The following HTT variants were observed in gnomAD, a reference collection of about 807,000 sequenced individuals.
HTT encodes the protein huntington disease protein.
HTT carries 104 observed loss-of-function variants against 362.3 expected under a neutral mutation model. That is an observed-to-expected ratio of 0.29 (90% CI 0.24 to 0.34). The LOEUF (loss-of-function observed/expected upper bound fraction) is 0.34. Among genes scored for constraint, HTT ranks in the 10% least tolerant of loss-of-function variants. The pLI, the probability that HTT is intolerant of heterozygous loss-of-function variation, is 1.00. For missense variants in HTT, 3,301 were observed against 3,928.6 expected (o/e 0.84, Z 4.27); for synonymous variants, 1,577 against 1,548.7 (o/e 1.02, Z -0.43).
chr4:3,134,531 T>C lies in HTT; in HGVS notation c.2624T>C (p.Ile875Thr). The C allele has an allele frequency of 1.9e-6, 3 of 1,612,906 alleles. No homozygotes were observed. The highest frequency in any genetic ancestry group is 2.7e-5 in the African/African-American group (2 of 74,986). The stretch of plus-strand genomic sequence containing the variant: ...GAGCTTCTGGAAACCCTTGCAGAGA[T>C]TGACTTCAGGTAAGTGAGTCACATC... ...RTELLETLAE[I>T]DFRLVSFLEA... Residue 875 changes from isoleucine to threonine, a missense_variant, in exon 19 of 67, where the codon ATT becomes ACT. Transcript: ENST00000355072.
intron 40 of HTT, among the ~76,000 whole-genome samples, chr4:3,191,794 C>A (rs1332795961): frequency 1.3e-5 from 2 of 152,170 alleles, no homozygotes; most frequent in Non-Finnish European, 2.9e-5. Flanking sequence ...TAAATCTCAT[C>A]TTTATTACGG....
intron 5 of HTT, 48 bp downstream of exon 5, chr4:3,105,484 A>G (rs976748915): frequency 8.2e-7 from 1 of 1,214,354 alleles, no homozygotes; most frequent in African/African-American, 1.5e-5. Flanking sequence ...GCCAGCTGCT[A>G]CTGATCCTTT....
In HTT at chr4:3,220,057, G is replaced by A. The variant is rs1720602990; in HGVS notation, c.7243-125G>A. 8.8e-6 allele frequency: 9 copies of A among 1,026,108 alleles called. No homozygotes were observed. The South Asian group carries it at 1.4e-4, about 16-fold the overall frequency. 63.6% of individuals were successfully genotyped at this position (1,026,108 alleles called of 1,614,324 possible). ...CTGTTTTCTGGGGGAGAAGGTGCCA[G>A]CTCTGGGACAGTGTTGGGGTAGTGA... On this transcript the variant is annotated intron_variant, in intron 52 of 66. Coordinates refer to ENST00000355072, the MANE Select transcript of HTT (RefSeq NM_001388492.1).
chr4:3,141,482 G>A (rs770132950), intron 22 of HTT, among the ~76,000 whole-genome samples: 4 of 152,132 alleles, frequency 2.6e-5, no homozygotes, highest in African/African-American at 9.7e-5. Flanking sequence ...CACATGGAAG[G>A]CTGGGTGCGG....
At chr4:3,181,347 T>G (rs1005918855) in intron 36 of HTT, among the ~76,000 whole-genome samples, 2 of 152,196 alleles carry the variant, frequency 1.3e-5, no homozygotes, top group Non-Finnish European at 2.9e-5. Context: ...GATAGAAATC[T>G]CAACTCTGAA....
chr4:3,225,769 G>A (rs1256835741), intron 57 of HTT, 26 bp downstream of exon 57: 3 of 1,582,406 alleles, frequency 1.9e-6, no homozygotes, highest in East Asian at 2.3e-5. Context: ...CCGCCGCCTG[G>A]CCTCTGTCCG....
At chr4:3,137,743 G>A (rs1282994702) in intron 21 of HTT, among the ~76,000 whole-genome samples, 3 of 152,142 alleles carry the variant, frequency 2.0e-5, no homozygotes, top group African/African-American at 7.2e-5. Context: ...TAGTACTGGG[G>A]TCATAGTATA....
In HTT at chr4:3,225,661, G is replaced by A; in HGVS notation, c.7766G>A (p.Gly2589Asp). The A allele has an allele frequency of 6.2e-7, 1 of 1,613,862 alleles. No homozygotes were observed. Among genetic ancestry groups the A allele is most frequent in the South Asian group, 1.1e-5 (1 of 91,074 alleles). ...PVPSLSPATT[G>D]ALISHEKLLL... ...AGACTCAGGGTGCTGGTGTTCACAG[G>A]TGCCCTCATCAGCCACGAGAAGCTG... The change falls in exon 57 of 67, where the codon GGT (glycine) becomes GAT (aspartate). Residue 2589 changes from glycine to aspartate, a missense_variant and splice_region_variant. Gly to Asp is a moderately conservative substitution (Grantham distance 94). Around this residue, in one of 4 missense-constraint regions of HTT, gnomAD observed 753 missense variants for 1,021.3 expected, o/e 0.74. Coordinates refer to ENST00000355072, the MANE Select transcript of HTT (RefSeq NM_001388492.1).
In HTT at chr4:3,084,549, G is replaced by A. The variant is rs538052649; in HGVS notation, c.264-2390G>A. On this transcript the variant is annotated intron_variant, in intron 1 of 66. Coordinates refer to ENST00000355072, the MANE Select transcript of HTT (RefSeq NM_001388492.1). ...GACTAAAAATACAAAAATTAGCCGG[G>A]CATGGTGGTGTGCACCTGTAGTCCC... Among the ~76,000 whole-genome samples, 4 of 152,130 alleles carry A rather than the reference G, an allele frequency of 2.6e-5. 1 individual carries two copies. The South Asian group carries it at 8.3e-4, about 32-fold the overall frequency.
At chr4:3,151,364 GAGAC>G (rs1345760625) in intron 26 of HTT, among the ~76,000 whole-genome samples, 8 of 151,894 alleles carry the variant, frequency 5.3e-5, no homozygotes, top group African/African-American at 1.5e-4. Context: ...GAGAGAGAGA[GAGAC>G]AGAGAGAGAG....
intron 40 of HTT, among the ~76,000 whole-genome samples, chr4:3,196,386 C>T (rs995239208): frequency 4.6e-5 from 7 of 152,136 alleles, no homozygotes; most frequent in Admixed American, 1.3e-4. Flanking sequence ...TGCTTCCTGA[C>T]GCCACATCCT....
At chr4:3,123,989 T>G (rs942192829) in intron 10 of HTT, among the ~76,000 whole-genome samples, 2 of 152,230 alleles carry the variant, frequency 1.3e-5, no homozygotes, top group Non-Finnish European at 2.9e-5. Context: ...TAATGCCTAA[T>G]ATTATTTGCA....
chr4:3,236,252 T>C lies in HTT; in HGVS notation c.8889T>C (p.Asp2963=). The change falls in exon 64 of 67, where the codon GAT becomes GAC. Residue 2963 remains aspartate, a splice_region_variant and synonymous_variant. Coordinates refer to ENST00000355072, the MANE Select transcript of HTT (RefSeq NM_001388492.1). Reference sequence around the variant, plus strand: ...TGGAGCGGGTATCTGTTCTTTTTGATAGGTAAGAAGCGAAGCCCCATCCCT... The same window carrying C: ...TGGAGCGGGTATCTGTTCTTTTTGACAGGTAAGAAGCGAAGCCCCATCCCT... The part of the protein sequence containing the change: ...VAMERVSVLF[D]RIRKGFPCEA... 3.1e-6 allele frequency: 5 copies of C among 1,606,684 alleles called. No individual in the cohort carries two copies. Among genetic ancestry groups the C allele is most frequent in the Non-Finnish European group, 4.3e-6 (5 of 1,173,176 alleles).
intron 51 of HTT, among the ~76,000 whole-genome samples, chr4:3,215,589 A>G (rs938140801): frequency 2.6e-5 from 4 of 152,140 alleles, no homozygotes; most frequent in East Asian, 1.9e-4. Flanking sequence ...TCAGCAAGCA[A>G]CAACCTTTTG....
At chr4:3,238,408 G>A (rs374900264) in intron 64 of HTT, 39 bp from the exon 65 acceptor site, 3 of 1,539,418 alleles carry the variant, frequency 1.9e-6, no homozygotes, top group African/African-American at 2.7e-5. Flanking sequence ...GCAGCTGTGG[G>A]AGCTGGTGCC....
rs547468061 is a variant in HTT, at chr4:3,206,255, CTTCCCCAGGGGG to C, written c.5719-240_5719-229del. On this transcript the variant is annotated intron_variant, in intron 42 of 66. Coordinates refer to ENST00000355072, the MANE Select transcript of HTT (RefSeq NM_001388492.1). The surrounding 1 kb of genome is among the most constrained non-coding windows in gnomAD (Gnocchi z 4.6). ...CTGAGAGCTGGACTGCTGTACCCTA[CTTCCCCAGGGGG>C]CCTAACTTCACACAGCCTCTGCCGC... Among the ~76,000 whole-genome samples the C allele has an allele frequency of 3.6e-3, 555 of 152,388 alleles. 2 individuals are homozygous for C. Among genetic ancestry groups the C allele is most frequent in the Non-Finnish European group, 4.8e-3 (326 of 68,036 alleles).
chr4:3,239,903 CTG>C lies in HTT; in HGVS notation c.9274_9275del (p.Cys3092ProfsTer25), dbSNP rs771383526. On this transcript the variant is annotated frameshift_variant, in exon 67 of 67. Coordinates refer to ENST00000355072, the MANE Select transcript of HTT (RefSeq NM_001388492.1). LOFTEE classifies it high-confidence loss of function. ...KLEQVDVNLF[C>X]LVATDFYRHQ... ...TGGAGCAGGTGGACGTGAACCTTTT[CTG>C]CCTGGTCGCCACAGACTTCTACAGA... 1 of 1,573,758 alleles carries C rather than the reference CTG, an allele frequency of 6.4e-7. No individual in the cohort carries two copies. The highest frequency in any genetic ancestry group is 8.6e-7 in the Non-Finnish European group (1 of 1,158,482).
intron 42 of HTT, among the ~76,000 whole-genome samples, chr4:3,204,651 A>G (rs145048040): frequency 6.6e-6 from 1 of 152,208 alleles, no homozygotes; most frequent in Non-Finnish European, 1.5e-5. Flanking sequence ...ATGGTGTGAG[A>G]CACCCATCTC....
At chr4:3,239,023 ACACCGAGGCT>A in intron 66 of HTT, 45 bp downstream of exon 66, 1 of 1,545,776 alleles carries the variant, frequency 6.5e-7, no homozygotes, top group Non-Finnish European at 8.7e-7. Context: ...TCCCTTGTCA[ACACCGAGGCT>A]CATGTTTCAT....
Sources: allele counts gnomAD v4.1 joint callset (sites outside exome capture counted in the v4.1 genomes callset), GRCh38; gene constraint gnomAD v4.1.1; regional missense constraint gnomAD v4.1.1; non-coding constraint Gnocchi (gnomAD v3.1); transcripts MANE v1.5; gene names NCBI Gene and HGNC (gene_info 2026-07-23, HGNC 2026-07-21).